Variants in NRXN3 observed in about 807,000 individuals in gnomAD.
The protein encoded by NRXN3 is neurexin 3, also known as neurexin III.
A neutral mutation model predicts 137.6 loss-of-function variants in NRXN3; 32 were observed. The observed-to-expected ratio is 0.23, with a 90% CI of 0.18 to 0.31. NRXN3 has a LOEUF of 0.31. Ranked by LOEUF, NRXN3 falls within the 10% of genes least tolerant of loss-of-function variation. The probability of loss-of-function intolerance (pLI) is 1.00; values close to 1 mark genes in which losing one functional copy is unlikely to be tolerated. For missense variants in NRXN3, 1,574 were observed against 2,062.5 expected, an observed-to-expected ratio of 0.76 and a Z score of 4.59; for synonymous variants, 798 against 784.5, an observed-to-expected ratio of 1.02 and a Z score of -0.29.
chr14:79,334,326 G>A (rs2092064043), intron 15 of NRXN3, among the ~76,000 whole-genome samples: 1 of 152,184 alleles, frequency 6.6e-6, no homozygotes, highest in East Asian at 1.9e-4. Flanking sequence ...GGGTGGAGAA[G>A]GTTTCTTTGT....
intron 15 of NRXN3, among the ~76,000 whole-genome samples, chr14:79,289,264 T>TATCC (rs1176602656): frequency 6.6e-6 from 1 of 152,176 alleles, no homozygotes; most frequent in Admixed American, 6.5e-5. Flanking sequence ...AATCTCCCCT[T>TATCC]ATCCAGATTA....
chr14:78,951,330 G>A (rs1189180800), intron 10 of NRXN3, among the ~76,000 whole-genome samples: 1 of 152,114 alleles, frequency 6.6e-6, no homozygotes, highest in Non-Finnish European at 1.5e-5. Flanking sequence ...AGGACTTCAT[G>A]TGATCTGGAC....
chr14:78,547,326 C>T (rs2096645972), intron 4 of NRXN3, among the ~76,000 whole-genome samples: 1 of 152,030 alleles, frequency 6.6e-6, no homozygotes, highest in Non-Finnish European at 1.5e-5. Context: ...CTGCCTCAGC[C>T]TCCCAAGCAG....
intron 20 of NRXN3, among the ~76,000 whole-genome samples, chr14:79,828,303 C>A (rs1209210511): frequency 1.3e-5 from 2 of 151,952 alleles, no homozygotes; most frequent in Non-Finnish European, 2.9e-5. Context: ...GTGATGAGTT[C>A]ACTGGAGGAA....
At chr14:78,645,056 A>G in intron 4 of NRXN3, 64 bp from the exon 5 acceptor site, 2 of 1,400,734 alleles carry the variant, frequency 1.4e-6, no homozygotes, top group South Asian at 2.8e-5. Flanking sequence ...TCTCTTTGGT[A>G]TTTGCATAGG....
At chr14:79,410,190 GAC>G (rs373652117) in intron 15 of NRXN3, among the ~76,000 whole-genome samples, 2 of 151,158 alleles carry the variant, frequency 1.3e-5, no homozygotes, top group Non-Finnish European at 1.5e-5. Flanking sequence ...GCTTATTTGA[GAC>G]ACACACACAC....
At chr14:79,488,972 C>T (rs1011253504) in intron 16 of NRXN3, among the ~76,000 whole-genome samples, 1 of 152,042 alleles carries the variant, frequency 6.6e-6, no homozygotes, top group African/African-American at 2.4e-5. Flanking sequence ...GATGCCCATA[C>T]CTTACCCATC....
At chr14:79,204,213 G>C (rs536430627) in intron 15 of NRXN3, among the ~76,000 whole-genome samples, 1 of 151,852 alleles carries the variant, frequency 6.6e-6, no homozygotes, top group African/African-American at 2.4e-5. Flanking sequence ...GCTTGAAAAA[G>C]AGATGGTTAT....
chr14:79,485,727 T>C (rs1299483168), intron 16 of NRXN3, among the ~76,000 whole-genome samples: 1 of 152,114 alleles, frequency 6.6e-6, no homozygotes, highest in African/African-American at 2.4e-5. Flanking sequence ...AGGGAGAGGA[T>C]TACCTTGAAA....
chr14:78,486,554 A>G (rs1225666282), intron 4 of NRXN3, among the ~76,000 whole-genome samples: 2 of 152,138 alleles, frequency 1.3e-5, no homozygotes, highest in African/African-American at 4.8e-5. Flanking sequence ...AACCCTTGCG[A>G]TGGCCTCCCT....
At chr14:78,488,110 G>A (rs8015566) in intron 4 of NRXN3, among the ~76,000 whole-genome samples, 74,941 of 151,960 alleles carry the variant, frequency 0.49, 19,023 homozygotes, top group Middle Eastern at 0.68. Flanking sequence ...GTGTCCTCAC[G>A]TGACTTTTCC....
rs1394838919 is a variant in NRXN3, at chr14:79,180,108, GC to G, written c.3262+191968del. Among the ~76,000 whole-genome samples the G allele has an allele frequency of 5.3e-5, 8 of 152,172 alleles. No individual in the cohort carries two copies. The East Asian group carries it at 1.5e-3, about 29-fold the overall frequency. On this transcript the variant is annotated intron_variant, in intron 15 of 20. Coordinates refer to ENST00000335750, the MANE Select transcript of NRXN3 (RefSeq NM_001330195.2). ...CATAAAAATAATAATAAATTACCTC[GC>G]TGTCTCTGGGTTTTCTTTCAGGCTC...
intron 16 of NRXN3, among the ~76,000 whole-genome samples, chr14:79,615,967 C>T (rs759146533): frequency 1.3e-5 from 2 of 152,092 alleles, no homozygotes; most frequent in Non-Finnish European, 2.9e-5. Context: ...GGTTAACTCA[C>T]AGCTAGTAAG....
chr14:79,459,391 C>G (rs543552676), intron 15 of NRXN3, among the ~76,000 whole-genome samples: 1 of 151,730 alleles, frequency 6.6e-6, no homozygotes, highest in Non-Finnish European at 1.5e-5. Flanking sequence ...TTTGGTGGGC[C>G]CTCATCCAAT....
intron 15 of NRXN3, among the ~76,000 whole-genome samples, chr14:79,272,350 G>A (rs1479343583): frequency 1.3e-5 from 2 of 151,438 alleles, no homozygotes; most frequent in Non-Finnish European, 1.5e-5. Context: ...TGGAGAAAAT[G>A]AATCAATGCA....
chr14:79,294,579 A>G (rs1178732040), intron 15 of NRXN3, among the ~76,000 whole-genome samples: 1 of 152,182 alleles, frequency 6.6e-6, no homozygotes, highest in Admixed American at 6.5e-5. Context: ...AAATGACTTG[A>G]TCAGAGTCAT....
intron 10 of NRXN3, among the ~76,000 whole-genome samples, chr14:78,893,701 C>T (rs1336364493): frequency 4.0e-5 from 6 of 151,770 alleles, no homozygotes; most frequent in African/African-American, 1.5e-4. Flanking sequence ...TTTTATTTTT[C>T]TCAATTTTGG....
At chr14:79,029,555 A>C (rs898184736) in intron 15 of NRXN3, among the ~76,000 whole-genome samples, 9 of 152,134 alleles carry the variant, frequency 5.9e-5, no homozygotes, top group Non-Finnish European at 1.0e-4. Context: ...AATAGAATGC[A>C]GGACAGTATT....
intron 2 of NRXN3, among the ~76,000 whole-genome samples, chr14:78,245,440 G>A (rs1246506970): frequency 6.6e-6 from 1 of 152,138 alleles, no homozygotes; most frequent in Admixed American, 6.5e-5. Context: ...CAGGTGGGTG[G>A]TGCCAGGTGG....
Sources: gnomAD v4.1 joint callset for allele counts (sites outside exome capture counted in the v4.1 genomes callset) on GRCh38, gnomAD v4.1.1 for gene constraint, MANE v1.5 for transcripts, NCBI Gene and HGNC (gene_info 2026-07-23, HGNC 2026-07-21) for gene names.